GABRG1: variants seen among roughly 807,000 people sequenced by gnomAD.
GABRG1 encodes the protein gamma-aminobutyric acid type A receptor subunit gamma1, also known as gamma-aminobutyric acid receptor subunit gamma-1.
Under a neutral mutation model 49.8 loss-of-function variants are expected in GABRG1, and 49 were observed. The ratio of observed to expected loss-of-function variants is 0.98; its 90% CI spans 0.78 to 1.25. The LOEUF (loss-of-function observed/expected upper bound fraction) is 1.25. GABRG1 is among the 50% of genes most tolerant of loss of function. The probability of loss-of-function intolerance (pLI) is 0.00; values close to 1 mark genes in which losing one functional copy is unlikely to be tolerated. For missense variants in GABRG1, 552 were observed against 552.3 expected, an observed-to-expected ratio of 1.00 and a Z score of 0.01; for synonymous variants, 232 against 185.1, an observed-to-expected ratio of 1.25 and a Z score of -2.06.
chr4:46,095,980 C>T (rs529207228), intron 2 of GABRG1, among the ~76,000 whole-genome samples: 2 of 151,832 alleles, frequency 1.3e-5, no homozygotes, highest in Admixed American at 1.3e-4. Context: ...CTTCCCACTC[C>T]CCACCCAGTG....
intron 1 of GABRG1, among the ~76,000 whole-genome samples, chr4:46,117,612 C>CTATA (rs1192602783): frequency 2.7e-4 from 38 of 140,150 alleles, no homozygotes; most frequent in African/African-American, 7.6e-4. Context: ...CTCTCTCTCT[C>CTATA]TATATATATA....
chr4:46,089,142 A>T (rs1403637306), intron 2 of GABRG1, among the ~76,000 whole-genome samples: 1 of 152,020 alleles, frequency 6.6e-6, no homozygotes, highest in Non-Finnish European at 1.5e-5. Context: ...CATCAGCAGC[A>T]CATATCTTCA....
chr4:46,082,946 T>G (rs1183006821), intron 3 of GABRG1, among the ~76,000 whole-genome samples: 1 of 151,746 alleles, frequency 6.6e-6, no homozygotes, highest in Non-Finnish European at 1.5e-5. Context: ...AGCTTTATTA[T>G]ATACTGCTTG....
chr4:46,074,592 A>G (rs1366604295), intron 3 of GABRG1, among the ~76,000 whole-genome samples: 3 of 152,114 alleles, frequency 2.0e-5, no homozygotes, highest in African/African-American at 4.8e-5. Flanking sequence ...TACAATTTTT[A>G]TTATAACAAA....
chr4:46,071,557 T>C (rs1274830708), intron 3 of GABRG1, among the ~76,000 whole-genome samples: 1 of 151,570 alleles, frequency 6.6e-6, no homozygotes, highest in African/African-American at 2.4e-5. Context: ...TCAGTAGGTA[T>C]TCCAGACGAC....
chr4:46,122,655 T>C (rs2109450298), intron 1 of GABRG1, among the ~76,000 whole-genome samples: 1 of 152,208 alleles, frequency 6.6e-6, no homozygotes, highest in South Asian at 2.1e-4. Flanking sequence ...AAAATATACT[T>C]GTTCTATATG....
chr4:46,105,777 G>C (rs1439513939), intron 1 of GABRG1, among the ~76,000 whole-genome samples: 1 of 132,972 alleles, frequency 7.5e-6, no homozygotes, highest in Non-Finnish European at 1.6e-5. Context: ...TAGATGGATG[G>C]ATGGGTAGAT....
rs569949368 is a variant in GABRG1 at position 46,084,044 on chromosome 4, G to A, written c.263C>T (p.Thr88Ile). The change falls in exon 3 of 9, where the codon ACA becomes ATA. Residue 88 changes from threonine to isoleucine, a missense_variant. Thr to Ile is a moderately conservative substitution (Grantham distance 89). Transcript: ENST00000295452. ...TACATAAACATCAGTTTCAATTACTGTGGGCCTCACTGCAAAATATCAACA... is the reference window on the plus strand; with the variant it reads ...TACATAAACATCAGTTTCAATTACTATGGGCCTCACTGCAAAATATCAACA... ...KLRPDIGVRP[T>I]VIETDVYVNS... 10 of 1,568,574 alleles carry A rather than the reference G, an allele frequency of 6.4e-6. No individual in the cohort carries two copies. Among genetic ancestry groups the A allele is most frequent in the East Asian group, 2.3e-5 (1 of 43,890 alleles).
intron 5 of GABRG1, among the ~76,000 whole-genome samples, chr4:46,059,690 G>A (rs1577638298): frequency 1.3e-5 from 2 of 152,098 alleles, no homozygotes; most frequent in East Asian, 3.9e-4. Flanking sequence ...TGAGATTACA[G>A]GCATGAGCCA....
chr4:46,088,561 G>T (rs191165627), intron 2 of GABRG1, among the ~76,000 whole-genome samples: 18 of 151,910 alleles, frequency 1.2e-4, no homozygotes, highest in African/African-American at 4.3e-4. Flanking sequence ...CTTAACTTGC[G>T]CAGGCTTTCC....
chr4:46,097,961 A>G (rs1358652538), intron 1 of GABRG1, among the ~76,000 whole-genome samples: 4 of 151,682 alleles, frequency 2.6e-5, no homozygotes, highest in African/African-American at 9.7e-5. Flanking sequence ...TCAATAGGTG[A>G]CTCATCTTGC....
At chr4:46,105,386 A>G (rs377052281) in intron 1 of GABRG1, among the ~76,000 whole-genome samples, 23 of 151,676 alleles carry the variant, frequency 1.5e-4, no homozygotes, top group African/African-American at 5.5e-4. Context: ...ATACAGACAA[A>G]TATAAACACT....
At chr4:46,070,603 T>C (rs948899312) in intron 3 of GABRG1, among the ~76,000 whole-genome samples, 3 of 151,898 alleles carry the variant, frequency 2.0e-5, no homozygotes, top group African/African-American at 7.3e-5. Flanking sequence ...ACGGGATAAA[T>C]AGGTGGGCAT....
intron 1 of GABRG1, among the ~76,000 whole-genome samples, chr4:46,112,628 C>T (rs909969741): frequency 6.6e-6 from 1 of 151,006 alleles, no homozygotes; most frequent in African/African-American, 2.4e-5. Flanking sequence ...AAATGAGGTA[C>T]ATAAACACTA....
chr4:46,078,933 C>T (rs1272626618), intron 3 of GABRG1, among the ~76,000 whole-genome samples: 1 of 151,814 alleles, frequency 6.6e-6, no homozygotes, highest in Non-Finnish European at 1.5e-5. Context: ...AGCCTATCTA[C>T]ATTAAGGTTG....
At chr4:46,105,515 T>C (rs1181132187) in intron 1 of GABRG1, among the ~76,000 whole-genome samples, 1 of 151,388 alleles carries the variant, frequency 6.6e-6, no homozygotes, top group Non-Finnish European at 1.5e-5. Flanking sequence ...TTATTTTAAA[T>C]TACTAGTACA....
intron 7 of GABRG1, 149 bp from the exon 8 acceptor site, chr4:46,051,787 A>G (rs944705555): frequency 1.8e-6 from 1 of 560,482 alleles, no homozygotes; most frequent in Non-Finnish European, 3.1e-6. Flanking sequence ...TGGTAGCCAT[A>G]GCAACATTGT....
chr4:46,111,601 G>A (rs1302396561), intron 1 of GABRG1, among the ~76,000 whole-genome samples: 2 of 151,170 alleles, frequency 1.3e-5, no homozygotes, highest in Non-Finnish European at 3.0e-5. Flanking sequence ...TATATGAAAA[G>A]GCTGCAGTAA....
chr4:46,080,040 A>T (rs1719507998), intron 3 of GABRG1, among the ~76,000 whole-genome samples: 1 of 151,874 alleles, frequency 6.6e-6, no homozygotes, highest in Non-Finnish European at 1.5e-5. Context: ...TCATTAGTGC[A>T]TCTGTTACTC....
Sources: allele counts gnomAD v4.1 joint callset (sites outside exome capture counted in the v4.1 genomes callset), GRCh38; gene constraint gnomAD v4.1.1; transcripts MANE v1.5; gene names NCBI Gene and HGNC (gene_info 2026-07-23, HGNC 2026-07-21).